Variants in DOCK7 observed in about 807,000 individuals in gnomAD.
DOCK7 encodes dedicator of cytokinesis 7.
A neutral mutation model predicts 271.0 loss-of-function variants in DOCK7; 138 were observed. The observed-to-expected ratio is 0.51, with a 90% CI of 0.44 to 0.59. DOCK7 has a LOEUF of 0.59. Among genes scored for constraint, DOCK7 ranks in the 20% least tolerant of loss-of-function variants. The pLI is 0.00. For synonymous variants in DOCK7, 823 were observed against 876.1 expected, an observed-to-expected ratio of 0.94 and a Z score of 1.07; for missense variants, 2,066 against 2,592.4, an observed-to-expected ratio of 0.80 and a Z score of 4.41.
intron 31 of DOCK7, among the ~76,000 whole-genome samples, chr1:62,521,246 T>C (rs1308208799): frequency 6.6e-6 from 1 of 151,704 alleles, no homozygotes; most frequent in African/African-American, 2.4e-5. Context: ...GAACTTAAAG[T>C]ATAATTTAAA....
chr1:62,647,832 ATCTTTTTC>A, intron 6 of DOCK7, 56 bp from the exon 7 acceptor site: 1 of 1,308,080 alleles, frequency 7.6e-7, no homozygotes, highest in East Asian at 2.3e-5. Flanking sequence ...CCAACTCTTT[ATCTTTTTC>A]AGAACTTACT....
chr1:62,681,555 T>A (rs200348461), intron 1 of DOCK7, among the ~76,000 whole-genome samples: 1,746 of 135,352 alleles, frequency 0.013, 18 homozygotes, highest in South Asian at 0.059. Context: ...AAAAATAAAA[T>A]AAAAATACAA....
chr1:62,587,804 T>TGTGTGGGG (rs746160919), intron 14 of DOCK7, among the ~76,000 whole-genome samples: 2 of 152,080 alleles, frequency 1.3e-5, no homozygotes, highest in East Asian at 3.8e-4. Flanking sequence ...TGGAAAACTC[T>TGTGTGGGG]GTGTGGGGGT....
At chr1:62,541,323 T>C (rs551600958) in intron 25 of DOCK7, among the ~76,000 whole-genome samples, 1 of 152,180 alleles carries the variant, frequency 6.6e-6, no homozygotes, top group Non-Finnish European at 1.5e-5. Context: ...TTGATAAATG[T>C]TTGTAATGTT....
intron 1 of DOCK7, among the ~76,000 whole-genome samples, chr1:62,680,912 T>C (rs1434170870): frequency 2.6e-5 from 4 of 152,100 alleles, no homozygotes; most frequent in African/African-American, 9.7e-5. Context: ...TGTGGAGAAA[T>C]AGGAACACTT....
chr1:62,681,525 A>ATC lies in DOCK7; in HGVS notation c.38+6701_38+6702insGA, dbSNP rs1661151552. On this transcript the variant is annotated intron_variant, in intron 1 of 49. Transcript: ENST00000635253. Reference sequence around the variant, plus strand: ...GTTATGCACATGTACCGTAGAACTTAAAGTATAATAAAAAATAAAAAAAAT... The same window carrying ATC: ...GTTATGCACATGTACCGTAGAACTTATCAAGTATAATAAAAAATAAAAAAAAT... 3.5e-5 allele frequency among the ~76,000 whole-genome samples: 4 copies of ATC among 113,470 alleles called. No homozygotes were observed. In the South Asian group the frequency reaches 1.4e-3, roughly 41 times the overall value. The allele number at this position is 113,470 out of a possible 152,430, so 74.4% of individuals were successfully genotyped here. A position where few individuals can be genotyped will look rare whatever the true frequency, so the allele number is the denominator to read the frequency against.
chr1:62,481,585 G>A (rs1354801217), intron 43 of DOCK7: 1 of 151,700 alleles, frequency 6.6e-6, no homozygotes, highest in African/African-American at 2.4e-5. Context: ...AAATTAGGCT[G>A]TTTTTCTAGC....
At position 62,561,560 on chromosome 1, in the gene DOCK7, G is replaced by C. The variant is rs1330195652; in HGVS notation, c.2199+57C>G. On this transcript the variant is annotated intron_variant, in intron 19 of 49. Coordinates refer to ENST00000635253, the MANE Select transcript of DOCK7 (RefSeq NM_001367561.1). ...AACAAAACTGACATCACAAGTATTA[G>C]ATATTACGTTCAATTTATTTAAGTG... 2.8e-6 allele frequency: 3 copies of C among 1,090,656 alleles called. No individual in the cohort carries two copies. In the East Asian group the frequency reaches 8.4e-5, roughly 30 times the overall value. The allele number at this position is 1,090,656 out of a possible 1,614,324, so 67.6% of individuals were successfully genotyped here. A position where few individuals can be genotyped will look rare whatever the true frequency, so the allele number is the denominator to read the frequency against.
chr1:62,523,598 G>C (rs1052068714), intron 31 of DOCK7, among the ~76,000 whole-genome samples: 3 of 152,210 alleles, frequency 2.0e-5, no homozygotes, highest in Admixed American at 2.0e-4. Flanking sequence ...GCTGGGCACA[G>C]TGGCTCACGC....
intron 22 of DOCK7, among the ~76,000 whole-genome samples, chr1:62,551,180 A>C (rs922462323): frequency 5.3e-5 from 8 of 152,184 alleles, no homozygotes; most frequent in African/African-American, 1.9e-4. Context: ...GAAAAACAGG[A>C]GATAACAGAG....
chr1:62,555,984 G>A lies in DOCK7; in HGVS notation c.2437C>T (p.Leu813=). 6.2e-7 allele frequency: 1 copy of A among 1,612,334 alleles called. No homozygotes were observed. Among genetic ancestry groups the A allele is most frequent in the Non-Finnish European group, 8.5e-7 (1 of 1,179,606 alleles). ...PPVIAGQIVN[L]GQASFEAMAS... ...ATGGCTTCAAAAGATGCTTGACCTA[G>A]GTTAACTTTTAAGAAAGAAGAAGTA... The change falls in exon 21 of 50, where the codon CTA becomes TTA. Residue 813 remains leucine (L), a synonymous_variant. Transcript: ENST00000635253.
chr1:62,596,753 T>C (rs868820666), intron 14 of DOCK7, among the ~76,000 whole-genome samples: 1 of 152,146 alleles, frequency 6.6e-6, no homozygotes, highest in African/African-American at 2.4e-5. Context: ...GCTTGTGACA[T>C]TGAAGGTATT....
chr1:62,644,212 C>A (rs1656363429), intron 7 of DOCK7, among the ~76,000 whole-genome samples: 1 of 152,180 alleles, frequency 6.6e-6, no homozygotes, highest in South Asian at 2.1e-4. Context: ...CCACTGCAAT[C>A]TAGAACCACT....
At chr1:62,461,459 C>T (rs1645523670) in intron 48 of DOCK7, among the ~76,000 whole-genome samples, 1 of 151,866 alleles carries the variant, frequency 6.6e-6, no homozygotes, top group Non-Finnish European at 1.5e-5. Flanking sequence ...GACCAGAGGA[C>T]TGCTGGAGCC....
intron 18 of DOCK7, among the ~76,000 whole-genome samples, chr1:62,576,737 C>T (rs556626836): frequency 6.6e-6 from 1 of 152,036 alleles, no homozygotes; most frequent in African/African-American, 2.4e-5. Flanking sequence ...GAGATTTTTC[C>T]AATATTTGTG....
chr1:62,663,620 AGAGTTTCCAGCT>A, intron 1 of DOCK7, among the ~76,000 whole-genome samples: 1 of 152,326 alleles, frequency 6.6e-6, no homozygotes, highest in South Asian at 2.1e-4. Context: ...GGTCCCCATT[AGAGTTTCCAGCT>A]GAGTTTCAAG....
In DOCK7 at chr1:62,494,270, C is replaced by T; in HGVS notation, c.5217+5G>A. ...TGATTTAATGTACATCTGGAAGATTCCTACCTGAAATGTTACACATCCCAC... is the reference window on the plus strand; with the variant it reads ...TGATTTAATGTACATCTGGAAGATTTCTACCTGAAATGTTACACATCCCAC... On this transcript the variant is annotated splice_donor_5th_base_variant and intron_variant, in intron 40 of 49. Transcript: ENST00000635253. 4 of 1,570,768 alleles carry T rather than the reference C, an allele frequency of 2.5e-6. No homozygotes were observed. Among genetic ancestry groups the T allele is most frequent in the Non-Finnish European group, 3.5e-6 (4 of 1,148,676 alleles).
At chr1:62,657,398 T>C (rs1557869258) in intron 2 of DOCK7, among the ~76,000 whole-genome samples, 2 of 152,034 alleles carry the variant, frequency 1.3e-5, no homozygotes, top group Non-Finnish European at 2.9e-5. Context: ...CAAGATAGCA[T>C]CCACCTATAA....
At position 62,554,314 on chromosome 1, in the gene DOCK7, T is replaced by C. The variant is rs927883633; in HGVS notation, c.2597-1413A>G. On this transcript the variant is annotated intron_variant, in intron 21 of 49. Transcript: ENST00000635253. Reference sequence around the variant, plus strand: ...AGTGAAACCCCGTCTCTACTAAAAATACAAAAAATTAGCTGGGCGTGGTGG... The same window carrying C: ...AGTGAAACCCCGTCTCTACTAAAAACACAAAAAATTAGCTGGGCGTGGTGG... Among the ~76,000 whole-genome samples the C allele has an allele frequency of 2.6e-5, 4 of 151,196 alleles. 1 individual carries two copies. Among genetic ancestry groups the C allele is most frequent in the African/African-American group, 2.4e-5 (1 of 41,184 alleles).
Sources: gnomAD v4.1 joint callset for allele counts (sites outside exome capture counted in the v4.1 genomes callset) on GRCh38, gnomAD v4.1.1 for gene constraint, MANE v1.5 for transcripts, NCBI Gene and HGNC (gene_info 2026-07-23, HGNC 2026-07-21) for gene names.